The following NDST4 variants were observed in gnomAD, a reference collection of about 807,000 sequenced individuals.
NDST4 encodes N-heparan sulfate sulfotransferase 4.
NDST4 carries 63 observed loss-of-function variants against 100.8 expected under a neutral mutation model. The observed-to-expected ratio is 0.62, with a 90% confidence interval of 0.51 to 0.77. NDST4 has a LOEUF of 0.77. NDST4 is among the 30% of genes least tolerant of loss of function. The probability of loss-of-function intolerance (pLI) is 0.00; values close to 1 mark genes in which losing one functional copy is unlikely to be tolerated. For synonymous variants in NDST4, 377 were observed against 361.8 expected (o/e 1.04, Z -0.48); for missense variants, 943 against 1,018.4 (o/e 0.93, Z 1.01).
At chr4:115,022,677 A>G (rs1348735302) in intron 2 of NDST4, among the ~76,000 whole-genome samples, 6 of 152,072 alleles carry the variant, frequency 3.9e-5, no homozygotes, top group Admixed American at 1.3e-4. Flanking sequence ...CTCATCTTGA[A>G]TTGTATCTCC....
At chr4:115,096,831 T>C (rs1467131080) in intron 1 of NDST4, among the ~76,000 whole-genome samples, 2 of 152,156 alleles carry the variant, frequency 1.3e-5, no homozygotes, top group Non-Finnish European at 2.9e-5. Context: ...CCAATTTTTC[T>C]AGGACCTACT....
chr4:114,869,927 T>A (rs1469855392), intron 7 of NDST4, among the ~76,000 whole-genome samples: 1 of 152,082 alleles, frequency 6.6e-6, no homozygotes, highest in Admixed American at 6.6e-5. Flanking sequence ...AAACAAACAG[T>A]CTTGACCAGA....
chr4:114,853,973 C>G (rs185978307), intron 7 of NDST4, among the ~76,000 whole-genome samples: 46 of 151,518 alleles, frequency 3.0e-4, no homozygotes, highest in African/African-American at 1.1e-3. Flanking sequence ...TACAAGTGTT[C>G]TAATTTTATG....
intron 10 of NDST4, among the ~76,000 whole-genome samples, chr4:114,842,296 C>A (rs191267600): frequency 5.1e-4 from 78 of 152,044 alleles, no homozygotes; most frequent in Admixed American, 5.9e-4. Flanking sequence ...TTAACTCATT[C>A]CAGGCTTCTC....
chr4:114,969,230 C>A (rs71606733), intron 4 of NDST4, among the ~76,000 whole-genome samples: 55 of 144,974 alleles, frequency 3.8e-4, no homozygotes, highest in Non-Finnish European at 7.4e-4. Context: ...AGGAGAATGG[C>A]GTGAACCCGG....
intron 2 of NDST4, among the ~76,000 whole-genome samples, chr4:115,017,179 C>A (rs1727697138): frequency 6.6e-6 from 1 of 151,938 alleles, no homozygotes; most frequent in African/African-American, 2.4e-5. Context: ...TAAAAGTTGT[C>A]AAATATTTTC....
chr4:114,977,683 C>T (rs571670775), intron 2 of NDST4, among the ~76,000 whole-genome samples: 11 of 152,034 alleles, frequency 7.2e-5, no homozygotes, highest in African/African-American at 2.6e-4. Context: ...TTTGTTTGAA[C>T]TGCAATTTAA....
intron 4 of NDST4, among the ~76,000 whole-genome samples, chr4:114,969,187 G>A (rs1344555717): frequency 3.3e-5 from 5 of 150,860 alleles, no homozygotes; most frequent in South Asian, 2.1e-4. Context: ...AGTGGCGGGC[G>A]CCTGTAGTCC....
At chr4:114,910,755 C>A (rs1725046248) in intron 6 of NDST4, among the ~76,000 whole-genome samples, 1 of 152,114 alleles carries the variant, frequency 6.6e-6, no homozygotes, top group African/African-American at 2.4e-5. Flanking sequence ...CCTTACTAGG[C>A]CCTTCTCCAA....
intron 2 of NDST4, among the ~76,000 whole-genome samples, chr4:114,979,670 G>C (rs553155893): frequency 2.0e-5 from 3 of 151,694 alleles, no homozygotes; most frequent in African/African-American, 4.8e-5. Context: ...TTGTGTCATA[G>C]ATCTCTAAAG....
At chr4:114,833,751 A>G in intron 11 of NDST4, 36 bp from the exon 12 acceptor site, 1 of 1,384,524 alleles carries the variant, frequency 7.2e-7, no homozygotes, top group Non-Finnish European at 1.0e-6. Context: ...ATGAAGAAAA[A>G]AATTAAATTG....
intron 6 of NDST4, among the ~76,000 whole-genome samples, chr4:114,883,583 A>G (rs1024862444): frequency 6.6e-6 from 1 of 152,156 alleles, no homozygotes; most frequent in Non-Finnish European, 1.5e-5. Context: ...ACTGGTATAA[A>G]TAATTCAACC....
rs188641757 is a variant in NDST4, at chr4:114,904,396, C to T, written c.1536+30810G>A. On this transcript the variant is annotated intron_variant, in intron 6 of 13. Transcript: ENST00000264363. ...CTTGTTCTTTTACTCTAGAATTATA[C>T]GTTATTATTAGTAATGTAATTGATA... Among the ~76,000 whole-genome samples the T allele has an allele frequency of 7.3e-3, 1,105 of 151,864 alleles. 7 individuals carry two copies. Among genetic ancestry groups the T allele is most frequent in the Non-Finnish European group, 0.012 (809 of 67,812 alleles).
intron 2 of NDST4, among the ~76,000 whole-genome samples, chr4:115,071,711 T>G (rs1277233841): frequency 6.6e-6 from 1 of 151,882 alleles, no homozygotes; most frequent in Non-Finnish European, 1.5e-5. Context: ...ATTCTCCTTG[T>G]GCACTAGTGT....
intron 6 of NDST4, among the ~76,000 whole-genome samples, chr4:114,932,222 TA>T (rs1161609797): frequency 6.6e-6 from 1 of 151,868 alleles, no homozygotes; most frequent in Non-Finnish European, 1.5e-5. Flanking sequence ...TAAACCATAT[TA>T]ATAAGATGAA....
At position 115,030,504 on chromosome 4, in the gene NDST4, G is replaced by A. The variant is rs538956454; in HGVS notation, c.978+45555C>T. Among the ~76,000 whole-genome samples the A allele has an allele frequency of 3.9e-5, 6 of 152,148 alleles. No individual in the cohort carries two copies. In the East Asian group the frequency reaches 1.2e-3, roughly 29 times the overall value. Reference sequence around the variant, plus strand: ...ACAGGAACCATAAGTCACAGCAACTGGGTCATCCTGAATTATCTAACAGAG... The same window carrying A: ...ACAGGAACCATAAGTCACAGCAACTAGGTCATCCTGAATTATCTAACAGAG... On this transcript the variant is annotated intron_variant, in intron 2 of 13. Coordinates refer to ENST00000264363, the MANE Select transcript of NDST4 (RefSeq NM_022569.3).
intron 2 of NDST4, among the ~76,000 whole-genome samples, chr4:115,031,610 T>C (rs1394515677): frequency 6.6e-6 from 1 of 152,124 alleles, no homozygotes; most frequent in Non-Finnish European, 1.5e-5. Context: ...GGTTCCATGC[T>C]AGCTCTGGGA....
chr4:115,028,225 A>G (rs1728031750), intron 2 of NDST4, among the ~76,000 whole-genome samples: 1 of 152,160 alleles, frequency 6.6e-6, no homozygotes, highest in African/African-American at 2.4e-5. Flanking sequence ...GGAGACAATC[A>G]GACAACTCTT....
chr4:114,895,486 GTAAT>G (rs1037707889), intron 6 of NDST4, among the ~76,000 whole-genome samples: 2 of 152,152 alleles, frequency 1.3e-5, no homozygotes, highest in African/African-American at 4.8e-5. Context: ...AATTGGGGCA[GTAAT>G]TAATAGCCTA....
Sources: allele counts gnomAD v4.1 joint callset (sites outside exome capture counted in the v4.1 genomes callset), GRCh38; gene constraint gnomAD v4.1.1; transcripts MANE v1.5; gene names NCBI Gene and HGNC (gene_info 2026-07-23, HGNC 2026-07-21).